Variants in TENM3 observed in about 807,000 individuals in gnomAD.
The protein encoded by TENM3 is teneurin transmembrane protein 3.
Under a neutral mutation model 255.1 loss-of-function variants are expected in TENM3, and 63 were observed. The observed-to-expected ratio is 0.25, with a 90% CI of 0.20 to 0.30. The LOEUF is 0.30. Among genes scored for constraint, TENM3 ranks in the 10% least tolerant of loss-of-function variants. The probability of loss-of-function intolerance (pLI) is 1.00; values close to 1 mark genes in which losing one functional copy is unlikely to be tolerated. For synonymous variants in TENM3, 1,306 were observed against 1,322.3 expected, an observed-to-expected ratio of 0.99 and a Z score of 0.27; for missense variants, 2,929 against 3,461.1, an observed-to-expected ratio of 0.85 and a Z score of 3.86.
the TENM3 span, among the ~76,000 whole-genome samples, chr4:181,698,684 G>C: frequency 6.6e-6 from 1 of 152,226 alleles, no homozygotes; most frequent in African/African-American, 2.4e-5. Flanking sequence ...CTAGCAGTAA[G>C]ATCTTGGCAA....
At chr4:182,752,573 A>G (rs1416556572) in intron 20 of TENM3, among the ~76,000 whole-genome samples, 2 of 152,198 alleles carry the variant, frequency 1.3e-5, no homozygotes, top group Non-Finnish European at 2.9e-5. Flanking sequence ...CCAGGCAGGA[A>G]TGATTCCCTG....
intron 6 of TENM3, 52 bp downstream of exon 6, chr4:182,653,945 A>T: frequency 6.6e-7 from 1 of 1,521,654 alleles, no homozygotes; most frequent in Non-Finnish European, 8.9e-7. Context: ...TCCCTTTTCC[A>T]TAAATTTATT....
At chr4:182,655,503 T>C (rs1300329870) in intron 6 of TENM3, among the ~76,000 whole-genome samples, 3 of 152,164 alleles carry the variant, frequency 2.0e-5, no homozygotes, top group Non-Finnish European at 4.4e-5. Flanking sequence ...CTGCTGGTAT[T>C]TTGCCAGGGA....
intron 24 of TENM3, among the ~76,000 whole-genome samples, chr4:182,786,636 T>C (rs113732056): frequency 0.011 from 1,676 of 150,954 alleles, 35 homozygotes; most frequent in African/African-American, 0.039. Context: ...GCACGTCATA[T>C]CCACTCTGTG....
At chr4:182,791,284 T>G (rs1182588453) in intron 25 of TENM3, among the ~76,000 whole-genome samples, 1 of 152,210 alleles carries the variant, frequency 6.6e-6, no homozygotes, top group Non-Finnish European at 1.5e-5. Context: ...CCAGCAGGGC[T>G]CCCAAGCTCC....
intron 1 of TENM3, among the ~76,000 whole-genome samples, chr4:182,291,265 G>A (rs1199059293): frequency 6.6e-6 from 1 of 152,182 alleles, no homozygotes; most frequent in Non-Finnish European, 1.5e-5. Context: ...ACCTGAGCCT[G>A]TGTGTCCATG....
At chr4:182,599,509 T>C (rs1378259747) in intron 3 of TENM3, among the ~76,000 whole-genome samples, 1 of 152,170 alleles carries the variant, frequency 6.6e-6, no homozygotes, top group African/African-American at 2.4e-5. Flanking sequence ...AATTATTCAT[T>C]GTTAAATTAT....
chr4:182,102,126 G>T, the TENM3 span, among the ~76,000 whole-genome samples: 1 of 152,308 alleles, frequency 6.6e-6, no homozygotes, highest in African/African-American at 2.4e-5. Flanking sequence ...CAACCCGGTG[G>T]GACACTGCTG....
chr4:181,806,704 C>A, the TENM3 span, among the ~76,000 whole-genome samples: 3 of 152,176 alleles, frequency 2.0e-5, no homozygotes, highest in African/African-American at 7.2e-5. Context: ...GAGTCCCTGG[C>A]CTCTAGAACT....
chr4:181,848,247 G>A, the TENM3 span, among the ~76,000 whole-genome samples: 5 of 152,266 alleles, frequency 3.3e-5, no homozygotes, highest in African/African-American at 1.2e-4. Flanking sequence ...CCAAGTGCAC[G>A]GAGTTGAACA....
chr4:181,755,849 C>T, the TENM3 span, among the ~76,000 whole-genome samples: 1 of 152,040 alleles, frequency 6.6e-6, no homozygotes, highest in African/African-American at 2.4e-5. Flanking sequence ...GTAGTGTTTA[C>T]AAGACTGTCT....
intron 4 of TENM3, among the ~76,000 whole-genome samples, chr4:182,616,735 TG>T (rs1749579187): frequency 1.3e-5 from 2 of 152,220 alleles, no homozygotes; most frequent in African/African-American, 4.8e-5. Flanking sequence ...CCTCGGCTGA[TG>T]GAGAATTATT....
At chr4:182,613,996 A>T (rs1052562322) in intron 4 of TENM3, among the ~76,000 whole-genome samples, 1 of 152,190 alleles carries the variant, frequency 6.6e-6, no homozygotes, top group Non-Finnish European at 1.5e-5. Flanking sequence ...AGTGTAATAG[A>T]TTTGAGACCA....
chr4:182,651,422 G>A (rs192337648), intron 5 of TENM3, among the ~76,000 whole-genome samples: 379 of 152,258 alleles, frequency 2.5e-3, no homozygotes, highest in African/African-American at 8.8e-3. Context: ...CGGGCGCAGT[G>A]GCTCAAGCCT....
chr4:182,778,152 G>C (rs910721190), intron 24 of TENM3, among the ~76,000 whole-genome samples: 1 of 151,860 alleles, frequency 6.6e-6, no homozygotes, highest in Non-Finnish European at 1.5e-5. Flanking sequence ...GTTTTATCAG[G>C]GCTGGATTGT....
At chr4:182,716,275 G>A (rs549131165) in intron 13 of TENM3, among the ~76,000 whole-genome samples, 2 of 152,360 alleles carry the variant, frequency 1.3e-5, no homozygotes, top group African/African-American at 4.8e-5. Flanking sequence ...GACCAAGTCT[G>A]CAGAGACACT....
chr4:181,764,028 T>G, the TENM3 span, among the ~76,000 whole-genome samples: 1 of 152,204 alleles, frequency 6.6e-6, no homozygotes, highest in African/African-American at 2.4e-5. Context: ...CTATTCTGTT[T>G]CCTTGGTTAT....
chr4:181,498,685 T>C, the TENM3 span, among the ~76,000 whole-genome samples: 1 of 152,258 alleles, frequency 6.6e-6, no homozygotes, highest in Non-Finnish European at 1.5e-5. Flanking sequence ...TATGGCTCAC[T>C]GTAAGGACCA....
chr4:182,550,810 A>T (rs1164732426), intron 3 of TENM3, among the ~76,000 whole-genome samples: 1 of 152,156 alleles, frequency 6.6e-6, no homozygotes, highest in East Asian at 1.9e-4. Context: ...TTGAATGAAA[A>T]CATATCCTGA....
Sources: gnomAD v4.1 joint callset for allele counts (sites outside exome capture counted in the v4.1 genomes callset) on GRCh38, gnomAD v4.1.1 for gene constraint, MANE v1.5 for transcripts, NCBI Gene and HGNC (gene_info 2026-07-23, HGNC 2026-07-21) for gene names.